NEK11: variants seen among roughly 807,000 people sequenced by gnomAD.
NEK11 encodes serine/threonine-protein kinase Nek11.
A neutral mutation model predicts 80.7 loss-of-function variants in NEK11; 72 were observed. The ratio of observed to expected loss-of-function variants is 0.89; its 90% confidence interval spans 0.74 to 1.08. NEK11 has a LOEUF of 1.08. Among genes scored for constraint, NEK11 ranks in the 50% least tolerant of loss-of-function variants. The probability of loss-of-function intolerance (pLI) is 0.00; values close to 1 mark genes in which losing one functional copy is unlikely to be tolerated. For synonymous variants in NEK11, 251 were observed against 260.7 expected (o/e 0.96, Z 0.36); for missense variants, 764 against 763.6 (o/e 1.00, Z -0.01).
At chr3:131,310,516 T>C (rs998696816) in intron 17 of NEK11, among the ~76,000 whole-genome samples, 3 of 152,224 alleles carry the variant, frequency 2.0e-5, no homozygotes, top group Admixed American at 2.0e-4. Flanking sequence ...GCTATTATCT[T>C]CTAAAGATTT....
chr3:131,310,025 A>C lies in NEK11; in HGVS notation c.1718+36451A>C, dbSNP rs1183963411. The stretch of plus-strand genomic sequence containing the variant: ...AAAAAAAAAAAAAAAAAAAAAAAAC[A>C]ACCTGTAGATATGATTACATGATTT... On this transcript the variant is annotated intron_variant, in intron 17 of 17. Coordinates refer to ENST00000383366, the MANE Select transcript of NEK11 (RefSeq NM_024800.5). 6.2e-3 allele frequency among the ~76,000 whole-genome samples: 650 copies of C among 105,500 alleles called. 6 individuals carry two copies. The highest frequency in any genetic ancestry group is 0.023 in the African/African-American group (601 of 25,840). The allele number at this position is 105,500 out of a possible 152,430, so 69.2% of individuals were successfully genotyped here. A position where few individuals can be genotyped will look rare whatever the true frequency, so the allele number is the denominator to read the frequency against.
At chr3:131,147,425 A>G (rs1169913353) in intron 7 of NEK11, among the ~76,000 whole-genome samples, 1 of 151,972 alleles carries the variant, frequency 6.6e-6, no homozygotes, top group Non-Finnish European at 1.5e-5. Flanking sequence ...ATTGGTGTAT[A>G]TTTTTTCTTC....
chr3:131,287,195 C>T (rs915406734), intron 17 of NEK11, among the ~76,000 whole-genome samples: 4 of 152,196 alleles, frequency 2.6e-5, no homozygotes, highest in African/African-American at 9.7e-5. Context: ...GCCTCCAGAA[C>T]AAGAGGTAAG....
At chr3:131,102,984 A>C (rs1273074308) in intron 4 of NEK11, among the ~76,000 whole-genome samples, 1 of 152,064 alleles carries the variant, frequency 6.6e-6, no homozygotes, top group African/African-American at 2.4e-5. Context: ...TATATTATGA[A>C]ATTCTTGTAG....
chr3:131,323,709 G>T (rs2096923250), intron 17 of NEK11, among the ~76,000 whole-genome samples: 1 of 152,132 alleles, frequency 6.6e-6, no homozygotes, highest in Admixed American at 6.5e-5. Context: ...GCCTCTGGAG[G>T]CACTATGAAA....
intron 7 of NEK11, among the ~76,000 whole-genome samples, chr3:131,138,654 C>G (rs577190386): frequency 6.6e-6 from 1 of 152,218 alleles, no homozygotes; most frequent in Non-Finnish European, 1.5e-5. Flanking sequence ...GCTTGTGTCA[C>G]CCCACCCCCA....
At chr3:131,271,169 C>T (rs948229015) in intron 16 of NEK11, among the ~76,000 whole-genome samples, 1 of 152,100 alleles carries the variant, frequency 6.6e-6, no homozygotes, top group Non-Finnish European at 1.5e-5. Flanking sequence ...GTGGAAGGGG[C>T]AATCTCCAGG....
chr3:131,075,567 A>G (rs1367272137), intron 3 of NEK11, among the ~76,000 whole-genome samples: 1 of 152,196 alleles, frequency 6.6e-6, no homozygotes, highest in Non-Finnish European at 1.5e-5. Flanking sequence ...TCATATTAAA[A>G]GAGATGAAAT....
At chr3:131,305,829 A>G (rs2096717768) in intron 17 of NEK11, among the ~76,000 whole-genome samples, 1 of 152,092 alleles carries the variant, frequency 6.6e-6, no homozygotes, top group South Asian at 2.1e-4. Context: ...CAGGGCTCCC[A>G]GCTTCTTCCC....
At chr3:131,115,040 C>T (rs2080794098) in intron 5 of NEK11, among the ~76,000 whole-genome samples, 1 of 152,126 alleles carries the variant, frequency 6.6e-6, no homozygotes, top group Admixed American at 6.5e-5. Flanking sequence ...ACAGGTGTGT[C>T]TTTGAAGATG....
chr3:131,320,095 C>T (rs1482955115), intron 17 of NEK11, among the ~76,000 whole-genome samples: 1 of 151,934 alleles, frequency 6.6e-6, no homozygotes, highest in African/African-American at 2.4e-5. Context: ...CAGGATTGCC[C>T]ATATGTTAGA....
At chr3:131,184,672 T>A (rs1230787860) in intron 14 of NEK11, 1 of 764,160 alleles carries the variant, frequency 1.3e-6, no homozygotes, top group Non-Finnish European at 1.9e-6. Flanking sequence ...TCACTGTTCA[T>A]CTATAAAATT....
chr3:131,289,220 A>T (rs2096516870), intron 17 of NEK11, among the ~76,000 whole-genome samples: 1 of 152,202 alleles, frequency 6.6e-6, no homozygotes, highest in Non-Finnish European at 1.5e-5. Flanking sequence ...GTGGACCCAC[A>T]TCCCTGGTGT....
chr3:131,115,902 TTTTCTTTCTTTCTTTCTTTCTTTCTTTC>T (rs201604189), intron 5 of NEK11, among the ~76,000 whole-genome samples: 225 of 70,256 alleles, frequency 3.2e-3, no homozygotes, highest in East Asian at 0.015. Context: ...AAAGGTAGTG[TTTTCTTTCTTTCTTTCTTTCTTTCTTTC>T]TTTCTTTCTT....
In NEK11 at chr3:131,143,577, T is replaced by G. The variant is rs186637481; in HGVS notation, c.648-8811T>G. Among the ~76,000 whole-genome samples the G allele has an allele frequency of 3.3e-5, 5 of 151,786 alleles. No individual in the cohort carries two copies. The East Asian group carries it at 9.6e-4, about 29-fold the overall frequency. On this transcript the variant is annotated intron_variant, in intron 7 of 17. Transcript: ENST00000383366. ...AAAGATCTAAAAACTATGCTTCCAC[T>G]GTATCTACTGTTTCCCCCCAAATGC...
chr3:131,079,676 T>C (rs1186529415), intron 3 of NEK11, among the ~76,000 whole-genome samples: 1 of 152,188 alleles, frequency 6.6e-6, no homozygotes, highest in African/African-American at 2.4e-5. Context: ...ATTAATGACT[T>C]GGGGATTTAA....
chr3:131,105,073 C>G (rs1206849420), intron 4 of NEK11, among the ~76,000 whole-genome samples: 2 of 152,234 alleles, frequency 1.3e-5, no homozygotes, highest in Non-Finnish European at 2.9e-5. Context: ...TTACTTGCAG[C>G]TCTGCCTCTT....
chr3:131,027,738 A>G (rs1439935729), intron 1 of NEK11, 192 bp from the exon 2 acceptor site: 2 of 143,712 alleles, frequency 1.4e-5, no homozygotes, highest in African/African-American at 5.0e-5. Context: ...TGGATGACCT[A>G]AAAGTGGACT....
intron 17 of NEK11, among the ~76,000 whole-genome samples, chr3:131,317,192 G>A (rs2096849339): frequency 6.6e-6 from 1 of 152,148 alleles, no homozygotes; most frequent in Non-Finnish European, 1.5e-5. Flanking sequence ...CTTAAACCTA[G>A]GACAGTGTCA....
Sources: allele counts gnomAD v4.1 joint callset (sites outside exome capture counted in the v4.1 genomes callset), GRCh38; gene constraint gnomAD v4.1.1; transcripts MANE v1.5; gene names NCBI Gene and HGNC (gene_info 2026-07-23, HGNC 2026-07-21).